The following CCL14 variants were observed in gnomAD, a reference collection of about 807,000 sequenced individuals.
CCL14 encodes C-C motif chemokine ligand 14, also known as C-C motif chemokine 14.
A neutral mutation model predicts 8.2 loss-of-function variants in CCL14; 8 were observed. The ratio of observed to expected loss-of-function variants is 0.98; its 90% CI spans 0.57 to 1.76. The LOEUF is 1.76. Ranked by LOEUF, CCL14 falls within the 40% of genes most tolerant of loss-of-function variation. CCL14 has a pLI of 0.00. For missense variants in CCL14, 127 were observed against 118.3 expected, an observed-to-expected ratio of 1.07 and a Z score of -0.34; for synonymous variants, 50 against 43.2, an observed-to-expected ratio of 1.16 and a Z score of -0.62.
At chr17:35,986,081 A>T (rs1160719979) in intron 1 of CCL14, 1 of 466,332 alleles carries the variant, frequency 2.1e-6, no homozygotes, top group Non-Finnish European at 3.7e-6. Context: ...GGGGTGGGCC[A>T]CTCTTTTGCT....
intron 1 of CCL14, chr17:35,985,887 G>GGTCCATCCTA: frequency 3.7e-6 from 4 of 1,091,678 alleles, no homozygotes; most frequent in Non-Finnish European, 5.5e-6. Flanking sequence ...TGAGAAAAGG[G>GGTCCATCCTA]GGCCTAGGAT....
chr17:35,984,005 C>T (rs2089714820), intron 2 of CCL14, 117 bp from the exon 3 acceptor site: 3 of 793,566 alleles, frequency 3.8e-6, no homozygotes, highest in Non-Finnish European at 4.4e-6. Flanking sequence ...TCCTTTCTTC[C>T]ACAGAGGCAG....
chr17:35,983,584 C>A lies in CCL14; in HGVS notation c.*217G>T. 2.1e-6 allele frequency: 1 copy of A among 482,548 alleles called. No homozygotes were observed. Among genetic ancestry groups the A allele is most frequent in the Non-Finnish European group, 3.7e-6 (1 of 272,228 alleles). 29.9% of individuals were successfully genotyped at this position (482,548 alleles called of 1,614,324 possible). ...ACTTCTGCAGAGCGAGGCTTGATGC[C>A]GAGGGTGCCACACCCTGGTGTCCTC... On this transcript the variant is annotated 3_prime_UTR_variant, in exon 3 of 3. Coordinates refer to ENST00000618404, the MANE Select transcript of CCL14 (RefSeq NM_032963.4).
chr17:35,984,616 A>G (rs1465627857), intron 1 of CCL14, 164 bp from the exon 2 acceptor site: 10 of 615,444 alleles, frequency 1.6e-5, no homozygotes, highest in South Asian at 1.1e-4. Flanking sequence ...CTCCTTCTCC[A>G]TGGTACTCCT....
intron 1 of CCL14, chr17:35,984,770 A>T: frequency 2.0e-6 from 1 of 488,834 alleles, no homozygotes; most frequent in Non-Finnish European, 3.6e-6. Context: ...CTGGGGGCCG[A>T]CTGGCAGAGA....
intron 1 of CCL14, chr17:35,986,098 C>G: frequency 2.3e-6 from 1 of 438,744 alleles, no homozygotes; most frequent in South Asian, 4.1e-5. Context: ...TGCTTAGCGG[C>G]AAAGAGAGAG....
In CCL14 at chr17:35,986,606, G is replaced by A. The variant is rs1200145751; in HGVS notation, c.44C>T (p.Thr15Ile). ...TTCAGTCTTGGTCCCTAGGGCGATGGTGATGAGGAGGAAGAAGGGAATGGC... is the reference window on the plus strand; with the variant it reads ...TTCAGTCTTGGTCCCTAGGGCGATGATGATGAGGAGGAAGAAGGGAATGGC... ...VAAIPFFLLI[T>I]IALGTKTESS... Residue 15 changes from threonine (T) to isoleucine (I), a missense_variant, in exon 1 of 3, where the codon ACC becomes ATC. Coordinates refer to ENST00000618404, the MANE Select transcript of CCL14 (RefSeq NM_032963.4). 1 of 1,614,032 alleles carries A rather than the reference G, an allele frequency of 6.2e-7. No homozygotes were observed.
chr17:35,985,880 G>A, intron 1 of CCL14: 1 of 1,140,576 alleles, frequency 8.8e-7, no homozygotes, highest in African/African-American at 1.5e-5. Flanking sequence ...AATCAGCTGA[G>A]AAAAGGGGGC....
rs2089708123 is a variant in CCL14 at position 35,983,685 on chromosome 17, C to G, written c.*116G>C. On this transcript the variant is annotated 3_prime_UTR_variant, in exon 3 of 3. Coordinates refer to ENST00000618404, the MANE Select transcript of CCL14 (RefSeq NM_032963.4). ...AGCATGAGTGGTCTTTAATTCAAAG[C>G]AGGGAAGCTCCAAGAGGGTGACTGG... The G allele has an allele frequency of 5.3e-6, 4 of 747,972 alleles. No individual in the cohort carries two copies. Among genetic ancestry groups the G allele is most frequent in the Non-Finnish European group, 9.7e-6 (4 of 413,528 alleles). 46.3% of individuals were successfully genotyped at this position (747,972 alleles called of 1,614,324 possible).
Position 35,984,375 on chromosome 17 carries a change from A to T in CCL14, c.157T>A (p.Tyr53Asn). 1 of 1,613,936 alleles carries T rather than the reference A, an allele frequency of 6.2e-7. No individual in the cohort carries two copies. Among genetic ancestry groups the T allele is most frequent in the Non-Finnish European group, 8.5e-7 (1 of 1,179,944 alleles). The stretch of plus-strand genomic sequence containing the variant: ...TTGGAGCACTGGCTGTTGGTCTCAT[A>T]GTAATCCATAATCCGCTGACGCGGG... ...KIPRQRIMDY[Y>N]ETNSQCSKPG... is the part of the protein sequence containing the mutation. The change falls in exon 2 of 3, where the codon TAT (tyrosine) becomes AAT (asparagine). Residue 53 changes from tyrosine to asparagine, a missense_variant. By Grantham distance (143) the Tyr-to-Asn change is moderately radical. Transcript: ENST00000618404.
Position 35,983,516 on chromosome 17 carries a change from G to T in CCL14, c.*285C>A, listed in dbSNP as rs2089705913. On this transcript the variant is annotated 3_prime_UTR_variant, in exon 3 of 3. Coordinates refer to ENST00000618404, the MANE Select transcript of CCL14 (RefSeq NM_032963.4). The stretch of plus-strand genomic sequence containing the variant: ...TCTCACTTTCTGCTTCTCACTACCT[G>T]CATTGCAGGCCTGACCTATTTTTTG... 1 of 409,788 alleles carries T rather than the reference G, an allele frequency of 2.4e-6. No homozygotes were observed. The highest frequency in any genetic ancestry group is 2.0e-5 in the African/African-American group (1 of 50,410). The allele number at this position is 409,788 out of a possible 1,614,324, so 25.4% of individuals were successfully genotyped here. A position where few individuals can be genotyped will look rare whatever the true frequency, so the allele number is the denominator to read the frequency against.
At chr17:35,984,315 T>G in intron 2 of CCL14, 23 bp downstream of exon 2, 3 of 1,519,624 alleles carry the variant, frequency 2.0e-6, no homozygotes, top group Non-Finnish European at 2.7e-6. Context: ...CTCCCCCCAG[T>G]GTGATGTGTG....
intron 1 of CCL14, chr17:35,984,675 T>A: frequency 1.7e-6 from 1 of 586,422 alleles, no homozygotes; most frequent in Admixed American, 3.0e-5. Flanking sequence ...TTCCTCCTTT[T>A]CTTCAACCCC....
chr17:35,986,493 T>C, intron 1 of CCL14, 78 bp downstream of exon 1: 1 of 1,143,978 alleles, frequency 8.7e-7, no homozygotes, highest in Non-Finnish European at 1.3e-6. Context: ...CTCCTGGTCT[T>C]CCCCTGAGCC....
chr17:35,985,326 C>T (rs1029787203), intron 1 of CCL14: 5 of 184,458 alleles, frequency 2.7e-5, no homozygotes, highest in African/African-American at 1.2e-4. Flanking sequence ...ATTTTTTCAT[C>T]TATTTTCTGA....
chr17:35,984,189 C>G, intron 2 of CCL14, 149 bp downstream of exon 2: 1 of 650,780 alleles, frequency 1.5e-6, no homozygotes, highest in Non-Finnish European at 2.7e-6. Context: ...AGCCAGAAAG[C>G]GCTCAGATTG....
intron 1 of CCL14, chr17:35,985,618 C>A: frequency 1.4e-6 from 1 of 739,826 alleles, no homozygotes; most frequent in Non-Finnish European, 2.3e-6. Context: ...AGGCAGCATC[C>A]TCACGATCCA....
chr17:35,985,251 G>A (rs1471125528), intron 1 of CCL14: 1 of 158,028 alleles, frequency 6.3e-6, no homozygotes. Flanking sequence ...GGGCCTCTGT[G>A]GAAGATATTG....
chr17:35,983,571 C>G lies in CCL14; in HGVS notation c.*230G>C, dbSNP rs1303862146. The G allele has an allele frequency of 4.3e-6, 2 of 469,006 alleles. No homozygotes were observed. Among genetic ancestry groups the G allele is most frequent in the Non-Finnish European group, 3.8e-6 (1 of 264,476 alleles). 29.1% of individuals were successfully genotyped at this position (469,006 alleles called of 1,614,324 possible). On this transcript the variant is annotated 3_prime_UTR_variant, in exon 3 of 3. Transcript: ENST00000618404. ...AGGCTCCAGCAAAACTTCTGCAGAG[C>G]GAGGCTTGATGCCGAGGGTGCCACA...
Sources: allele counts gnomAD v4.1 joint callset, GRCh38; gene constraint gnomAD v4.1.1; transcripts MANE v1.5; gene names NCBI Gene and HGNC (gene_info 2026-07-23, HGNC 2026-07-21).